SUMF2: variants seen among roughly 807,000 people sequenced by gnomAD.
SUMF2 encodes the protein inactive C-alpha-formylglycine-generating enzyme 2.
A neutral mutation model predicts 44.8 loss-of-function variants in SUMF2; 45 were observed. That is an observed-to-expected ratio of 1.00 (90% CI 0.79 to 1.29). The LOEUF (loss-of-function observed/expected upper bound fraction) is 1.29. SUMF2 is among the 50% of genes most tolerant of loss of function. The pLI, the probability that SUMF2 is intolerant of heterozygous loss-of-function variation, is 0.00. For synonymous variants in SUMF2, 148 were observed against 150.4 expected (o/e 0.98, Z 0.12); for missense variants, 418 against 389.9 (o/e 1.07, Z -0.61).
chr7:56,084,204 A>G (rs559800036), downstream of SUMF2: 8 of 1,534,658 alleles, frequency 5.2e-6, no homozygotes, highest in Admixed American at 9.8e-5. Context: ...CAGCCCAAGC[A>G]CCATTTCTGT....
the SUMF2 span, chr7:56,087,100 G>A: frequency 9.2e-7 from 1 of 1,089,820 alleles, no homozygotes; most frequent in Non-Finnish European, 1.4e-6. Flanking sequence ...GGGGGTCAGG[G>A]ACCGAGGCTG....
intron 1 of SUMF2, among the ~76,000 whole-genome samples, chr7:56,067,977 C>T (rs1794913903): frequency 6.8e-6 from 1 of 146,910 alleles, no homozygotes; most frequent in South Asian, 2.1e-4. Context: ...AGTGGCAGAA[C>T]AAGAATGTGA....
At chr7:56,081,165 A>C (rs777366310), downstream of SUMF2, 1 of 1,613,652 alleles carries the variant, frequency 6.2e-7, no homozygotes, top group South Asian at 1.1e-5. This position sits in a 1 kb window ranked among gnomAD's most constrained non-coding sequence, Gnocchi z 4.6. Context: ...AGATTCGGAA[A>C]GCGTAGGCGT....
chr7:56,080,224 G>T lies in SUMF2; in HGVS notation c.*612G>T. 1.7e-5 allele frequency: 3 copies of T among 174,494 alleles called. No homozygotes were observed. Among genetic ancestry groups the T allele is most frequent in the East Asian group, 1.6e-4 (1 of 6,158 alleles). The allele number at this position is 174,494 out of a possible 1,614,324, so 10.8% of individuals were successfully genotyped here. On this transcript the variant is annotated 3_prime_UTR_variant, in exon 9 of 9. Transcript: ENST00000434526. Reference sequence around the variant, plus strand: ...CATTGTGGGAATCACAAAGCAAATAGTACTCCAGAAAGACAAATATCAGAA... The same window carrying T: ...CATTGTGGGAATCACAAAGCAAATATTACTCCAGAAAGACAAATATCAGAA...
chr7:56,076,943 T>TG, intron 6 of SUMF2, 54 bp downstream of exon 6: 1 of 1,551,354 alleles, frequency 6.4e-7, no homozygotes, highest in Non-Finnish European at 8.8e-7. Flanking sequence ...TGCTGGAGGC[T>TG]GGGCACTGTG....
At chr7:56,074,511 C>T in intron 4 of SUMF2, 75 bp from the exon 5 acceptor site, 3 of 1,562,432 alleles carry the variant, frequency 1.9e-6, no homozygotes, top group Non-Finnish European at 2.6e-6. Context: ...AAGCTGAACG[C>T]GGGCGCCCTA....
At chr7:56,085,347 C>G (rs117210492), downstream of SUMF2, among the ~76,000 whole-genome samples, 112 of 152,294 alleles carry the variant, frequency 7.4e-4, 1 homozygote, top group East Asian at 0.019. Context: ...ATCCTCCCAC[C>G]ACAGCCTCCC....
At chr7:56,081,371 G>A (rs572453738), downstream of SUMF2, 32 of 1,511,412 alleles carry the variant, frequency 2.1e-5, no homozygotes, top group Non-Finnish European at 2.7e-5. The surrounding 1 kb of genome is among the most constrained non-coding windows in gnomAD (Gnocchi z 4.6). Flanking sequence ...GCACAGGGAC[G>A]CTCTGGGCTC....
At chr7:56,072,953 C>A in intron 2 of SUMF2, 44 bp from the exon 3 acceptor site, 1 of 1,466,846 alleles carries the variant, frequency 6.8e-7, no homozygotes. Flanking sequence ...ATGGGGTGGG[C>A]ACAGAACCTC....
At chr7:56,087,082 C>A in the SUMF2 span, 1 of 1,345,794 alleles carries the variant, frequency 7.4e-7, no homozygotes, top group Non-Finnish European at 1.1e-6. Context: ...CAGGGGCAGC[C>A]GGGGCACGGG....
chr7:56,069,726 C>T (rs1055588206), intron 2 of SUMF2, among the ~76,000 whole-genome samples: 3 of 151,826 alleles, frequency 2.0e-5, no homozygotes, highest in Admixed American at 6.6e-5. Flanking sequence ...ACTACAGGTG[C>T]GCACTATCAC....
chr7:56,067,881 G>A (rs1443081847), intron 1 of SUMF2, among the ~76,000 whole-genome samples: 2 of 139,252 alleles, frequency 1.4e-5, no homozygotes, highest in African/African-American at 5.3e-5. Flanking sequence ...GTGACACAGC[G>A]AGATCCTGTC....
chr7:56,068,353 A>G, intron 1 of SUMF2, 129 bp from the exon 2 acceptor site: 1 of 959,870 alleles, frequency 1.0e-6, no homozygotes. Context: ...ATTTAAAGCC[A>G]GATTTTTAAG....
rs755294958 is a variant in SUMF2 at position 56,079,735 on chromosome 7, T to A, written c.*123T>A. The A allele has an allele frequency of 6.3e-7, 1 of 1,587,184 alleles. No individual in the cohort carries two copies. Among genetic ancestry groups the A allele is most frequent in the South Asian group, 1.1e-5 (1 of 88,678 alleles). On this transcript the variant is annotated 3_prime_UTR_variant, in exon 9 of 9. Coordinates refer to ENST00000434526, the MANE Select transcript of SUMF2 (RefSeq NM_015411.4). ...TCAGGAAAGAACTTCCCCTTCCCTG[T>A]CTCCCATCCCTCTGTGGCAGGCGCC...
chr7:56,081,308 C>G (rs1232216160), downstream of SUMF2: 6 of 1,601,716 alleles, frequency 3.7e-6, no homozygotes, highest in Non-Finnish European at 4.2e-6. This position sits in a 1 kb window ranked among gnomAD's most constrained non-coding sequence, Gnocchi z 4.6. Flanking sequence ...ACCTGCAGGG[C>G]CAGGCGGAGA....
chr7:56,087,168 C>A, the SUMF2 span: 2 of 669,122 alleles, frequency 3.0e-6, no homozygotes, highest in Non-Finnish European at 5.5e-6. Flanking sequence ...AAGACGTCAA[C>A]CTGGGATGTG....
rs779893408 is a variant in SUMF2 at position 56,064,328 on chromosome 7, T to C, written c.17T>C (p.Leu6Ser). The change falls in exon 1 of 9, where the codon TTA (leucine) becomes TCA (serine). Residue 6 changes from leucine (L) to serine (S), a missense_variant. Coordinates refer to ENST00000434526, the MANE Select transcript of SUMF2 (RefSeq NM_015411.4). MARHG[L>S]PLLPLLSLLV... Reference sequence around the variant, plus strand: ...GCAGTCCTGATGGCCCGGCATGGGTTACCGCTGCTGCCCCTGCTGTCGCTC... The same window carrying C: ...GCAGTCCTGATGGCCCGGCATGGGTCACCGCTGCTGCCCCTGCTGTCGCTC... 3.1e-6 allele frequency: 5 copies of C among 1,599,044 alleles called. No homozygotes were observed. The highest frequency in any genetic ancestry group is 3.4e-6 in the Non-Finnish European group (4 of 1,173,394).
At chr7:56,081,604 CG>C (rs1237921359), downstream of SUMF2, 8 of 1,609,902 alleles carry the variant, frequency 5.0e-6, no homozygotes, top group Non-Finnish European at 5.1e-6. The surrounding 1 kb of genome is among the most constrained non-coding windows in gnomAD (Gnocchi z 4.6). Context: ...AGGGAGCTGG[CG>C]GGCCTGGATC....
intron 2 of SUMF2, 138 bp from the exon 3 acceptor site, chr7:56,072,859 G>A: frequency 1.6e-6 from 1 of 627,252 alleles, no homozygotes; most frequent in East Asian, 2.7e-5. Flanking sequence ...TCAGGCTTCA[G>A]GTTAATTCCT....
Sources: gnomAD v4.1 joint callset for allele counts (sites outside exome capture counted in the v4.1 genomes callset) on GRCh38, gnomAD v4.1.1 for gene constraint, Gnocchi (gnomAD v3.1) non-coding constraint, MANE v1.5 for transcripts, NCBI Gene and HGNC (gene_info 2026-07-23, HGNC 2026-07-21) for gene names.